MARCHF3: variants seen among roughly 807,000 people sequenced by gnomAD.
MARCHF3 encodes the protein E3 ubiquitin-protein ligase MARCHF3.
MARCHF3 carries 13 observed loss-of-function variants against 24.2 expected under a neutral mutation model. The observed-to-expected ratio is 0.54, with a 90% CI of 0.35 to 0.85. MARCHF3 has a LOEUF of 0.85. Among genes scored for constraint, MARCHF3 ranks in the 40% least tolerant of loss-of-function variants. The probability of loss-of-function intolerance (pLI) is 0.01; values close to 1 mark genes in which losing one functional copy is unlikely to be tolerated. For synonymous variants in MARCHF3, 144 were observed against 137.3 expected (o/e 1.05, Z -0.34); for missense variants, 276 against 325.0 (o/e 0.85, Z 1.16).
At chr5:126,900,278 C>T (rs1283142242) in intron 3 of MARCHF3, among the ~76,000 whole-genome samples, 1 of 152,058 alleles carries the variant, frequency 6.6e-6, no homozygotes, top group Non-Finnish European at 1.5e-5. Context: ...AGGAAGGAAG[C>T]CAGGTGCAAT....
Position 126,878,285 on chromosome 5 carries a change from C to A in MARCHF3, c.503G>T (p.Arg168Leu). ...LATISGWLCL[R>L]GAVDHLHFSS... ...AAAGTGCAGGTGGTCCACGGCGCCC[C>A]GCAGGCACAGCCAGCCCGAGATGGT... Residue 168 changes from arginine (R) to leucine (L), a missense_variant, in exon 4 of 5, where the codon CGG (arginine) becomes CTG (leucine). Transcript: ENST00000308660. 6.2e-7 allele frequency: 1 copy of A among 1,614,208 alleles called. No homozygotes were observed. Among genetic ancestry groups the A allele is most frequent in the Non-Finnish European group, 8.5e-7 (1 of 1,180,034 alleles).
intron 1 of MARCHF3, among the ~76,000 whole-genome samples, chr5:126,948,738 G>A (rs1490794523): frequency 6.6e-6 from 1 of 152,192 alleles, no homozygotes; most frequent in Non-Finnish European, 1.5e-5. Flanking sequence ...AGATTCTGGT[G>A]TACAAAGAGG....
chr5:127,028,272 A>G (rs769807509), intron 1 of MARCHF3, among the ~76,000 whole-genome samples: 3 of 152,208 alleles, frequency 2.0e-5, no homozygotes, highest in African/African-American at 2.4e-5. Context: ...TCACTAAAGT[A>G]ATTGTGCTAT....
intron 3 of MARCHF3, among the ~76,000 whole-genome samples, chr5:126,887,111 C>G (rs916967669): frequency 1.3e-5 from 2 of 152,188 alleles, no homozygotes; most frequent in East Asian, 1.9e-4. Context: ...TGACACTTGT[C>G]TAGTTTAAAA....
At chr5:126,880,717 C>G (rs1165876133) in intron 3 of MARCHF3, among the ~76,000 whole-genome samples, 1 of 152,150 alleles carries the variant, frequency 6.6e-6, no homozygotes, top group Non-Finnish European at 1.5e-5. Context: ...ATTTAGACAT[C>G]CAGATTATTA....
intron 1 of MARCHF3, among the ~76,000 whole-genome samples, chr5:126,990,508 C>T (rs763790516): frequency 6.6e-6 from 1 of 152,156 alleles, no homozygotes; most frequent in African/African-American, 2.4e-5. Flanking sequence ...ATGACTAAAA[C>T]ATCAAAAGCA....
intron 1 of MARCHF3, among the ~76,000 whole-genome samples, chr5:127,014,137 A>G (rs1487113977): frequency 6.6e-6 from 1 of 152,218 alleles, no homozygotes; most frequent in African/African-American, 2.4e-5. Flanking sequence ...GAATATTTGC[A>G]AAGCATTCAT....
chr5:126,887,122 T>C (rs1753532979), intron 3 of MARCHF3, among the ~76,000 whole-genome samples: 1 of 152,214 alleles, frequency 6.6e-6, no homozygotes, highest in Non-Finnish European at 1.5e-5. Context: ...TAGTTTAAAA[T>C]TTCCCAATGG....
At chr5:127,017,885 C>A (rs1296000780) in intron 1 of MARCHF3, among the ~76,000 whole-genome samples, 2 of 152,180 alleles carry the variant, frequency 1.3e-5, no homozygotes, top group African/African-American at 4.8e-5. Flanking sequence ...TGACAACCAG[C>A]ATCCTACTTT....
intron 1 of MARCHF3, among the ~76,000 whole-genome samples, chr5:126,983,889 T>C (rs987908944): frequency 6.6e-6 from 1 of 152,224 alleles, no homozygotes; most frequent in Admixed American, 6.5e-5. Flanking sequence ...TCATGTTTAG[T>C]GTTGGCTATT....
intron 1 of MARCHF3, among the ~76,000 whole-genome samples, chr5:126,997,862 T>C (rs562441582): frequency 2.6e-5 from 4 of 152,324 alleles, no homozygotes; most frequent in African/African-American, 9.6e-5. Flanking sequence ...ATAGTATTAA[T>C]ATAGCAAAGA....
At chr5:126,886,002 A>G (rs918936730) in intron 3 of MARCHF3, among the ~76,000 whole-genome samples, 1 of 150,820 alleles carries the variant, frequency 6.6e-6, no homozygotes, top group African/African-American at 2.4e-5. Context: ...ATATATATAT[A>G]TATATAATTT....
At position 126,938,503 on chromosome 5, in the gene MARCHF3, T is replaced by C. The variant is rs1580662537; in HGVS notation, c.-56-20276A>G. 2.0e-5 allele frequency among the ~76,000 whole-genome samples: 3 copies of C among 151,462 alleles called. No individual in the cohort carries two copies. In the South Asian group the frequency reaches 6.2e-4, roughly 32 times the overall value. Reference sequence around the variant, plus strand: ...ATTCTAGAGAACTTTGTTGTTGTTGTTTTTAAAAGCTAGGAGTTAACATGT... The same window carrying C: ...ATTCTAGAGAACTTTGTTGTTGTTGCTTTTAAAAGCTAGGAGTTAACATGT... On this transcript the variant is annotated intron_variant, in intron 1 of 4. Coordinates refer to ENST00000308660, the MANE Select transcript of MARCHF3 (RefSeq NM_178450.5).
intron 1 of MARCHF3, among the ~76,000 whole-genome samples, chr5:126,958,235 C>G (rs1750513434): frequency 6.6e-6 from 1 of 152,106 alleles, no homozygotes; most frequent in African/African-American, 2.4e-5. Context: ...CAGAATAATA[C>G]TGAATGATCA....
At chr5:126,956,767 T>C (rs887151332) in intron 1 of MARCHF3, among the ~76,000 whole-genome samples, 9 of 152,044 alleles carry the variant, frequency 5.9e-5, no homozygotes, top group African/African-American at 2.2e-4. Context: ...CAATCCACTT[T>C]CCACTAATGC....
chr5:126,898,277 A>G (rs1377604479), intron 3 of MARCHF3, among the ~76,000 whole-genome samples: 3 of 152,202 alleles, frequency 2.0e-5, no homozygotes, highest in South Asian at 2.1e-4. Context: ...GTTAAGAAAA[A>G]TCTGAAGTAT....
At chr5:126,902,541 G>T (rs960370018) in intron 3 of MARCHF3, among the ~76,000 whole-genome samples, 3 of 152,020 alleles carry the variant, frequency 2.0e-5, no homozygotes, top group African/African-American at 7.3e-5. Context: ...CACAGAACTG[G>T]ATTTTCCCTC....
intron 3 of MARCHF3, among the ~76,000 whole-genome samples, chr5:126,893,103 G>A (rs1330168950): frequency 1.3e-5 from 2 of 151,858 alleles, no homozygotes; most frequent in Non-Finnish European, 2.9e-5. Flanking sequence ...TTCTCTGATG[G>A]TAGTTTGTAT....
intron 3 of MARCHF3, among the ~76,000 whole-genome samples, chr5:126,900,455 C>T (rs542761159): frequency 9.2e-5 from 14 of 152,140 alleles, no homozygotes; most frequent in African/African-American, 3.4e-4. Flanking sequence ...TAGCTCTTCC[C>T]GTCTACCATG....
Sources: gnomAD v4.1 joint callset for allele counts (sites outside exome capture counted in the v4.1 genomes callset) on GRCh38, gnomAD v4.1.1 for gene constraint, MANE v1.5 for transcripts, NCBI Gene and HGNC (gene_info 2026-07-23, HGNC 2026-07-21) for gene names.